SLC25A21: variants seen among roughly 807,000 people sequenced by gnomAD.
SLC25A21 encodes mitochondrial 2-oxodicarboxylate carrier.
SLC25A21 carries 47 observed loss-of-function variants against 43.8 expected under a neutral mutation model. That is an observed-to-expected ratio of 1.07 (90% CI 0.85 to 1.37). SLC25A21 has a LOEUF of 1.37. Among genes scored for constraint, SLC25A21 ranks in the 40% most tolerant of loss-of-function variants. The pLI is 0.00. For missense variants in SLC25A21, 352 were observed against 350.2 expected (o/e 1.00, Z -0.04); for synonymous variants, 131 against 121.3 (o/e 1.08, Z -0.52).
At chr14:36,926,272 G>T (rs1205500739) in intron 1 of SLC25A21, among the ~76,000 whole-genome samples, 1 of 151,998 alleles carries the variant, frequency 6.6e-6, no homozygotes, top group African/African-American at 2.4e-5. Flanking sequence ...CATGTCCAAA[G>T]AATAAATCAT....
intron 4 of SLC25A21, among the ~76,000 whole-genome samples, chr14:36,730,075 T>A (rs1194772935): frequency 6.6e-6 from 1 of 152,222 alleles, no homozygotes; most frequent in Non-Finnish European, 1.5e-5. Flanking sequence ...GATGCCATGA[T>A]AAACTAGGGA....
chr14:36,823,585 G>T (rs1489517430), intron 2 of SLC25A21, among the ~76,000 whole-genome samples: 1 of 152,112 alleles, frequency 6.6e-6, no homozygotes, highest in African/African-American at 2.4e-5. Flanking sequence ...GGGAAATGGG[G>T]GAAGGATGAA....
At chr14:37,110,410 A>G (rs1181622704) in intron 1 of SLC25A21, among the ~76,000 whole-genome samples, 1 of 152,212 alleles carries the variant, frequency 6.6e-6, no homozygotes, top group Non-Finnish European at 1.5e-5. Flanking sequence ...TAGAGTACTA[A>G]GTACATCCAC....
At chr14:37,169,962 A>C (rs1362889719) in intron 1 of SLC25A21, among the ~76,000 whole-genome samples, 2 of 152,144 alleles carry the variant, frequency 1.3e-5, no homozygotes, top group Non-Finnish European at 2.9e-5. Flanking sequence ...ATTTATAAGA[A>C]TATATGATGG....
At chr14:36,853,436 T>A (rs1349750781) in intron 2 of SLC25A21, among the ~76,000 whole-genome samples, 2 of 152,232 alleles carry the variant, frequency 1.3e-5, no homozygotes, top group Non-Finnish European at 2.9e-5. Context: ...TCTGCTTTTT[T>A]AATCTGAGCA....
At chr14:37,092,244 T>C (rs1962600624) in intron 1 of SLC25A21, among the ~76,000 whole-genome samples, 1 of 152,150 alleles carries the variant, frequency 6.6e-6, no homozygotes, top group African/African-American at 2.4e-5. Context: ...CAAAAAGCCT[T>C]TCAAATATGT....
chr14:37,001,517 A>G (rs1960489440), intron 1 of SLC25A21, among the ~76,000 whole-genome samples: 1 of 152,182 alleles, frequency 6.6e-6, no homozygotes, highest in Non-Finnish European at 1.5e-5. Context: ...AACATATGTC[A>G]GTCATTCTAA....
intron 3 of SLC25A21, among the ~76,000 whole-genome samples, chr14:36,783,215 T>TG (rs1319478433): frequency 0.024 from 60 of 2,498 alleles, no homozygotes; most frequent in African/African-American, 0.13. Flanking sequence ...GTGGGGGTGG[T>TG]GGGGGGGCGG....
At chr14:36,895,635 G>A (rs891525669) in intron 1 of SLC25A21, among the ~76,000 whole-genome samples, 7 of 152,076 alleles carry the variant, frequency 4.6e-5, no homozygotes, top group Non-Finnish European at 8.8e-5. Context: ...TGATGTTAGG[G>A]TGTCAATTTT....
chr14:36,875,269 A>G (rs1312392058), intron 1 of SLC25A21, among the ~76,000 whole-genome samples: 2 of 152,190 alleles, frequency 1.3e-5, no homozygotes, highest in African/African-American at 4.8e-5. Flanking sequence ...TTAAAAAATA[A>G]TCAGACGTGC....
intron 6 of SLC25A21, among the ~76,000 whole-genome samples, chr14:36,712,322 A>G (rs1166824342): frequency 6.6e-6 from 1 of 151,546 alleles, no homozygotes; most frequent in Non-Finnish European, 1.5e-5. Context: ...TTTTCACTGA[A>G]TAGTTAACAG....
chr14:37,048,465 T>A lies in SLC25A21; in HGVS notation c.70+123816A>T, dbSNP rs368787310. Among the ~76,000 whole-genome samples the A allele has an allele frequency of 4.8e-5, 7 of 147,318 alleles. No homozygotes were observed. In the East Asian group the frequency reaches 5.9e-4, roughly 12 times the overall value. The stretch of plus-strand genomic sequence containing the variant: ...GCAGTACCAAATTACTACGTCTTCC[T>A]GGTTTTGCAGTTAAAAAAAAAAAAA... On this transcript the variant is annotated intron_variant, in intron 1 of 9. Coordinates refer to ENST00000331299, the MANE Select transcript of SLC25A21 (RefSeq NM_030631.4).
chr14:36,756,665 G>C (rs1223565083), intron 3 of SLC25A21, among the ~76,000 whole-genome samples: 1 of 152,206 alleles, frequency 6.6e-6, no homozygotes, highest in Non-Finnish European at 1.5e-5. Context: ...TGAGCATGAG[G>C]AAGGCTCAAG....
At chr14:36,997,252 T>C (rs1426408802) in intron 1 of SLC25A21, among the ~76,000 whole-genome samples, 1 of 152,110 alleles carries the variant, frequency 6.6e-6, no homozygotes, top group Non-Finnish European at 1.5e-5. Context: ...ATTAAACTCC[T>C]GCTATATGCC....
chr14:37,069,585 C>T lies in SLC25A21; in HGVS notation c.70+102696G>A, dbSNP rs552027821. On this transcript the variant is annotated intron_variant, in intron 1 of 9. Coordinates refer to ENST00000331299, the MANE Select transcript of SLC25A21 (RefSeq NM_030631.4). ...TGTTTTAATTTTAATCAGTTTCAGCCTTCTTCGTTGAAAACAGAAGTAAAT... is the reference window on the plus strand; with the variant it reads ...TGTTTTAATTTTAATCAGTTTCAGCTTTCTTCGTTGAAAACAGAAGTAAAT... Among the ~76,000 whole-genome samples, 4 of 152,268 alleles carry T rather than the reference C, an allele frequency of 2.6e-5. No homozygotes were observed. The East Asian group carries it at 7.7e-4, about 29-fold the overall frequency.
intron 1 of SLC25A21, among the ~76,000 whole-genome samples, chr14:36,981,388 C>T (rs552087499): frequency 5.9e-4 from 90 of 152,310 alleles, no homozygotes; most frequent in African/African-American, 2.0e-3. Flanking sequence ...CACATGCACA[C>T]GTATGTTTAT....
chr14:37,009,527 A>C (rs2138736785), intron 1 of SLC25A21, among the ~76,000 whole-genome samples: 1 of 152,242 alleles, frequency 6.6e-6, no homozygotes, highest in African/African-American at 2.4e-5. Context: ...TTGTAAGAAA[A>C]ATCTGAGTTC....
chr14:36,698,723 G>C (rs1173450872), intron 7 of SLC25A21, among the ~76,000 whole-genome samples: 1 of 152,058 alleles, frequency 6.6e-6, no homozygotes, highest in Non-Finnish European at 1.5e-5. Flanking sequence ...TGAAGCTTGT[G>C]CATGCATCAT....
intron 1 of SLC25A21, among the ~76,000 whole-genome samples, chr14:36,981,583 C>T (rs1960024492): frequency 6.6e-6 from 1 of 152,048 alleles, no homozygotes; most frequent in African/African-American, 2.4e-5. Flanking sequence ...CAAACTATCG[C>T]AAGGACAGAA....
Sources: allele counts gnomAD v4.1 joint callset (sites outside exome capture counted in the v4.1 genomes callset), GRCh38; gene constraint gnomAD v4.1.1; transcripts MANE v1.5; gene names NCBI Gene and HGNC (gene_info 2026-07-23, HGNC 2026-07-21).